Variants in MYO1E observed in about 807,000 individuals in gnomAD.
The protein encoded by MYO1E is myosin IE.
Under a neutral mutation model 151.1 loss-of-function variants are expected in MYO1E, and 68 were observed. That is an observed-to-expected ratio of 0.45 (90% CI 0.37 to 0.55). The LOEUF (loss-of-function observed/expected upper bound fraction) is 0.55. Ranked by LOEUF, MYO1E falls within the 20% of genes least tolerant of loss-of-function variation. The probability of loss-of-function intolerance (pLI) is 0.00; values close to 1 mark genes in which losing one functional copy is unlikely to be tolerated. For synonymous variants in MYO1E, 601 were observed against 501.7 expected (o/e 1.20, Z -2.64); for missense variants, 1,363 against 1,389.3 (o/e 0.98, Z 0.30).
intron 1 of MYO1E, among the ~76,000 whole-genome samples, chr15:59,299,107 T>C (rs530077059): frequency 2.0e-5 from 3 of 152,364 alleles, no homozygotes; most frequent in Admixed American, 2.0e-4. Flanking sequence ...TACGGCCACA[T>C]GTTTTACAAG....
intron 1 of MYO1E, among the ~76,000 whole-genome samples, chr15:59,305,326 T>A (rs1222239173): frequency 6.6e-6 from 1 of 152,140 alleles, no homozygotes; most frequent in East Asian, 1.9e-4. Flanking sequence ...TCTGAGTAGT[T>A]GGGACTACAA....
chr15:59,232,409 G>T (rs912423207), intron 5 of MYO1E, among the ~76,000 whole-genome samples: 3 of 152,194 alleles, frequency 2.0e-5, no homozygotes, highest in Admixed American at 6.5e-5. Flanking sequence ...TGCTGGTTTT[G>T]CCAGCACTGA....
intron 1 of MYO1E, among the ~76,000 whole-genome samples, chr15:59,301,354 A>G (rs1297035623): frequency 4.6e-5 from 7 of 152,202 alleles, no homozygotes; most frequent in Non-Finnish European, 8.8e-5. Flanking sequence ...TGTAGTCAAC[A>G]AAATTTCCCT....
At chr15:59,271,026 C>T (rs1450027341) in intron 2 of MYO1E, 5 of 152,164 alleles carry the variant, frequency 3.3e-5, no homozygotes, top group Non-Finnish European at 5.9e-5. Flanking sequence ...GGTTTAACTA[C>T]AGATATTGGT....
chr15:59,284,687 C>T (rs1327349814), intron 1 of MYO1E, among the ~76,000 whole-genome samples: 1 of 150,276 alleles, frequency 6.7e-6, no homozygotes, highest in Admixed American at 6.6e-5. Context: ...GTTGCCCAGG[C>T]TAGTCTCAAA....
intron 8 of MYO1E, among the ~76,000 whole-genome samples, 199 bp downstream of exon 8, chr15:59,224,490 A>T (rs1391689409): frequency 2.0e-5 from 3 of 152,102 alleles, no homozygotes; most frequent in African/African-American, 7.2e-5. Context: ...ACCCATCTCA[A>T]ATCATTAAGT....
chr15:59,243,973 G>C (rs559330987), intron 4 of MYO1E, among the ~76,000 whole-genome samples: 2 of 151,348 alleles, frequency 1.3e-5, no homozygotes, highest in South Asian at 2.1e-4. Flanking sequence ...CAGGGTCATG[G>C]AGAGAGGGGT....
intron 19 of MYO1E, among the ~76,000 whole-genome samples, chr15:59,176,808 G>A (rs1353441132): frequency 5.3e-5 from 8 of 152,142 alleles, no homozygotes; most frequent in Non-Finnish European, 1.2e-4. Context: ...GGGCTAGATG[G>A]GGATGTATGC....
Position 59,199,857 on chromosome 15 carries a change from T to A in MYO1E, c.1698+2469A>T, listed in dbSNP as rs1330054664. Among the ~76,000 whole-genome samples the A allele has an allele frequency of 2.6e-5, 4 of 152,176 alleles. No individual in the cohort carries two copies. In the East Asian group the frequency reaches 7.7e-4, roughly 29 times the overall value. ...TGTAGATATGGAACGTATCAGCGATTGGGCCATGGCTATGTATCTGTAAGA... is the reference window on the plus strand; with the variant it reads ...TGTAGATATGGAACGTATCAGCGATAGGGCCATGGCTATGTATCTGTAAGA... On this transcript the variant is annotated intron_variant, in intron 16 of 27. Transcript: ENST00000288235.
chr15:59,151,043 ACACACACGCG>A (rs1192575722), intron 26 of MYO1E, among the ~76,000 whole-genome samples: 1 of 87,980 alleles, frequency 1.1e-5, no homozygotes, highest in Non-Finnish European at 2.2e-5. Flanking sequence ...ACACACACAC[ACACACACGCG>A]CGCGCGCGCA....
intron 27 of MYO1E, among the ~76,000 whole-genome samples, chr15:59,137,904 AGAT>A (rs2079382826): frequency 6.6e-6 from 1 of 152,210 alleles, no homozygotes; most frequent in Admixed American, 6.5e-5. Flanking sequence ...GAAGTTTCAG[AGAT>A]GATGCACATT....
rs398027512 is a variant in MYO1E at position 59,268,720 on chromosome 15, A to ATTTTTTTTTTTTTTTTTTTTTT, written c.147+3585_147+3586insAAAAAAAAAAAAAAAAAAAAAA. On this transcript the variant is annotated intron_variant, in intron 2 of 27. Coordinates refer to ENST00000288235, the MANE Select transcript of MYO1E (RefSeq NM_004998.4). Reference sequence around the variant, plus strand: ...GTGATGGGTTCTGGGTGACTTTGGTATTTTTTTTTTTTTTTTTTTTTGCTT... The same window carrying ATTTTTTTTTTTTTTTTTTTTTT: ...GTGATGGGTTCTGGGTGACTTTGGTATTTTTTTTTTTTTTTTTTTTTTTTTTTTTTTTTTTTTTTTTTTGCTT... Among the ~76,000 whole-genome samples, 165 of 44,906 alleles carry ATTTTTTTTTTTTTTTTTTTTTT rather than the reference A, an allele frequency of 3.7e-3. 60 individuals are homozygous for ATTTTTTTTTTTTTTTTTTTTTT. Among genetic ancestry groups the ATTTTTTTTTTTTTTTTTTTTTT allele is most frequent in the Middle Eastern group, 0.019 (1 of 54 alleles). The allele number at this position is 44,906 out of a possible 152,430, so 29.5% of individuals were successfully genotyped here.
At chr15:59,278,182 A>G (rs1182879755) in intron 1 of MYO1E, among the ~76,000 whole-genome samples, 3 of 152,210 alleles carry the variant, frequency 2.0e-5, no homozygotes, top group Non-Finnish European at 4.4e-5. Flanking sequence ...AGATAGTATC[A>G]TGTCTGAGCC....
intron 1 of MYO1E, among the ~76,000 whole-genome samples, chr15:59,325,768 G>C (rs1384178526): frequency 6.6e-6 from 1 of 152,186 alleles, no homozygotes; most frequent in African/African-American, 2.4e-5. Flanking sequence ...ACAGGAGCAG[G>C]TGTCCATTTC....
chr15:59,331,967 G>A (rs115889481), intron 1 of MYO1E, among the ~76,000 whole-genome samples: 2,046 of 152,316 alleles, frequency 0.013, 20 homozygotes, highest in Admixed American at 0.016. Context: ...TAAGGGTAAC[G>A]TGAGGCTACT....
At chr15:59,298,121 C>T (rs984456100) in intron 1 of MYO1E, among the ~76,000 whole-genome samples, 4 of 152,152 alleles carry the variant, frequency 2.6e-5, no homozygotes, top group Admixed American at 6.5e-5. Context: ...GTAATTTTTC[C>T]TATTACAAAT....
At chr15:59,216,624 T>A (rs1259899879) in intron 10 of MYO1E, among the ~76,000 whole-genome samples, 1 of 29,724 alleles carries the variant, frequency 3.4e-5, no homozygotes, top group Non-Finnish European at 1.0e-4. Flanking sequence ...CTATCTATCT[T>A]TTGGATCGAA....
intron 4 of MYO1E, among the ~76,000 whole-genome samples, chr15:59,245,968 G>C (rs2080127507): frequency 1.3e-5 from 2 of 152,222 alleles, no homozygotes; most frequent in East Asian, 3.8e-4. Flanking sequence ...TATCACATAT[G>C]TGGTTTTAAT....
chr15:59,364,882 C>T lies in MYO1E; in HGVS notation c.3+7616G>A, dbSNP rs556343054. Among the ~76,000 whole-genome samples, 3 of 152,234 alleles carry T rather than the reference C, an allele frequency of 2.0e-5. No homozygotes were observed. The East Asian group carries it at 5.8e-4, about 29-fold the overall frequency. ...CGAGATTATGCCACTGCACTCCAGC[C>T]TGGGCGACAGAGTGAGACTCCATCT... On this transcript the variant is annotated intron_variant, in intron 1 of 27. Transcript: ENST00000288235.
Sources: allele counts gnomAD v4.1 joint callset (sites outside exome capture counted in the v4.1 genomes callset), GRCh38; gene constraint gnomAD v4.1.1; transcripts MANE v1.5; gene names NCBI Gene and HGNC (gene_info 2026-07-23, HGNC 2026-07-21).